Variants in PCDH7 observed in about 807,000 individuals in gnomAD.
PCDH7 encodes protocadherin 7.
PCDH7 carries 17 observed loss-of-function variants against 58.9 expected under a neutral mutation model. The observed-to-expected ratio is 0.29, with a 90% CI of 0.20 to 0.43. The LOEUF (loss-of-function observed/expected upper bound fraction) is 0.43, where lower values mean the gene tolerates loss of function less well. Ranked by LOEUF, PCDH7 falls within the 20% of genes least tolerant of loss-of-function variation. The pLI, the probability that PCDH7 is intolerant of heterozygous loss-of-function variation, is 1.00. For synonymous variants in PCDH7, 664 were observed against 616.4 expected, an observed-to-expected ratio of 1.08 and a Z score of -1.14; for missense variants, 1,274 against 1,441.0, an observed-to-expected ratio of 0.88 and a Z score of 1.88.
At chr4:31,056,978 C>T (rs908169542) in intron 3 of PCDH7, among the ~76,000 whole-genome samples, 43 of 151,952 alleles carry the variant, frequency 2.8e-4, no homozygotes, top group African/African-American at 8.7e-4. Context: ...ATTTGTGTTA[C>T]GTATTAAGGA....
chr4:30,940,514 T>C (rs980080952), intron 2 of PCDH7, among the ~76,000 whole-genome samples: 10 of 152,068 alleles, frequency 6.6e-5, no homozygotes, highest in African/African-American at 2.4e-4. Context: ...TTGTGCATTA[T>C]GTATAAATAG....
At chr4:30,831,971 C>T (rs1729855851) in intron 1 of PCDH7, among the ~76,000 whole-genome samples, 1 of 152,104 alleles carries the variant, frequency 6.6e-6, no homozygotes, top group African/African-American at 2.4e-5. Context: ...GTATGGCCAC[C>T]ACTCATTGAG....
intron 1 of PCDH7, among the ~76,000 whole-genome samples, chr4:30,814,839 A>G (rs1727466119): frequency 6.6e-6 from 1 of 152,110 alleles, no homozygotes; most frequent in South Asian, 2.1e-4. Context: ...AGTGAATTAG[A>G]GTCATTTTTT....
At position 31,089,011 on chromosome 4, in the gene PCDH7, C is replaced by T. The variant is rs192190299; in HGVS notation, c.*8-53462C>T. ...TTTACTTCCTAATATGGTGTGTTTG[C>T]ACTACATTTTTTGACTGTTTCAGGC... On this transcript the variant is annotated intron_variant, in intron 3 of 3. Coordinates refer to the PCDH7 transcript ENST00000509759. Among the ~76,000 whole-genome samples the T allele has an allele frequency of 1.5e-3, 229 of 151,960 alleles. 1 individual carries two copies. The highest frequency in any genetic ancestry group is 3.4e-3 in the Middle Eastern group (1 of 294).
intron 3 of PCDH7, among the ~76,000 whole-genome samples, chr4:31,064,283 A>G (rs1255171999): frequency 6.6e-6 from 1 of 151,898 alleles, no homozygotes; most frequent in Non-Finnish European, 1.5e-5. Context: ...AGTCACCTTT[A>G]CTCCTATCAT....
At chr4:30,993,925 G>C (rs978693616) in intron 3 of PCDH7, among the ~76,000 whole-genome samples, 1 of 152,102 alleles carries the variant, frequency 6.6e-6, no homozygotes, top group Non-Finnish European at 1.5e-5. Flanking sequence ...TCCCCAAAAT[G>C]TGTAAGTCTG....
At chr4:30,788,427 T>G (rs938919729) in intron 1 of PCDH7, among the ~76,000 whole-genome samples, 1 of 152,140 alleles carries the variant, frequency 6.6e-6, no homozygotes, top group African/African-American at 2.4e-5. Flanking sequence ...CAACTGCAGT[T>G]AGTACCCTAT....
chr4:30,753,120 T>C (rs1718789717), intron 1 of PCDH7, among the ~76,000 whole-genome samples: 1 of 152,154 alleles, frequency 6.6e-6, no homozygotes, highest in African/African-American at 2.4e-5. Context: ...ATACCATAAA[T>C]GTCAGCATCA....
chr4:31,137,381 G>A (rs1483027825), intron 3 of PCDH7, among the ~76,000 whole-genome samples: 5 of 152,136 alleles, frequency 3.3e-5, no homozygotes, highest in Admixed American at 6.5e-5. Context: ...TCAGGAGTTC[G>A]AGACCAGCCT....
At chr4:31,010,103 T>A (rs1400576716) in intron 3 of PCDH7, among the ~76,000 whole-genome samples, 1 of 151,958 alleles carries the variant, frequency 6.6e-6, no homozygotes, top group Non-Finnish European at 1.5e-5. Context: ...ATACTGTCCT[T>A]CTTATTGTAT....
At chr4:30,966,049 A>G (rs1244200957) in intron 3 of PCDH7, among the ~76,000 whole-genome samples, 1 of 152,156 alleles carries the variant, frequency 6.6e-6, no homozygotes, top group East Asian at 1.9e-4. Flanking sequence ...TAAACATGCT[A>G]TGCTGTTTCT....
chr4:31,140,718 A>C (rs1720148677), intron 3 of PCDH7, among the ~76,000 whole-genome samples: 1 of 152,074 alleles, frequency 6.6e-6, no homozygotes, highest in Non-Finnish European at 1.5e-5. Flanking sequence ...CACTAATAAA[A>C]TTTGTCAATA....
At chr4:30,820,739 T>G (rs1375038260) in intron 1 of PCDH7, among the ~76,000 whole-genome samples, 1 of 152,098 alleles carries the variant, frequency 6.6e-6, no homozygotes, top group Non-Finnish European at 1.5e-5. Context: ...CATGTTTTCA[T>G]GTGAATATGA....
chr4:30,902,792 C>T (rs1215876694), intron 1 of PCDH7, among the ~76,000 whole-genome samples: 5 of 152,060 alleles, frequency 3.3e-5, no homozygotes, highest in Non-Finnish European at 7.4e-5. Context: ...GAAATGTAAA[C>T]AGGCTTAGAA....
chr4:31,136,190 CCTT>C (rs1719575411), intron 3 of PCDH7, among the ~76,000 whole-genome samples: 1 of 152,202 alleles, frequency 6.6e-6, no homozygotes. Flanking sequence ...ATCTCTACCT[CCTT>C]AAATCTCTCC....
At chr4:30,755,596 T>C (rs934579023) in intron 1 of PCDH7, among the ~76,000 whole-genome samples, 1 of 152,158 alleles carries the variant, frequency 6.6e-6, no homozygotes, top group Non-Finnish European at 1.5e-5. Context: ...GTAGTTATCA[T>C]AACAAGCCTG....
At chr4:30,807,113 T>C (rs1209688472) in intron 1 of PCDH7, among the ~76,000 whole-genome samples, 2 of 152,204 alleles carry the variant, frequency 1.3e-5, no homozygotes, top group East Asian at 1.9e-4. Flanking sequence ...AAGAACTACA[T>C]GTTTTTGGAA....
chr4:30,722,093 G>A lies in PCDH7; in HGVS notation c.671G>A (p.Arg224Gln). Residue 224 changes from arginine to glutamine, a missense_variant, in exon 1 of 2, where the codon CGG becomes CAG. Around this residue, in one of 3 missense-constraint regions of PCDH7, gnomAD observed 331 missense variants for 303.2 expected, o/e 1.09. Transcript: ENST00000361762. The surrounding 1 kb of genome is among the most constrained non-coding windows in gnomAD (Gnocchi z 7.6). Reference sequence around the variant, plus strand: ...GGCGGCGGCTCGGGAGGCTCCAAGCGGCGGCTGGACGCATCAGAGGGCGGC... The same window carrying A: ...GGCGGCGGCTCGGGAGGCTCCAAGCAGCGGCTGGACGCATCAGAGGGCGGC... 7.6e-7 allele frequency: 1 copy of A among 1,322,518 alleles called. No homozygotes were observed. Among genetic ancestry groups the A allele is most frequent in the Non-Finnish European group, 9.6e-7 (1 of 1,040,810 alleles). 81.9% of individuals were successfully genotyped at this position (1,322,518 alleles called of 1,614,324 possible). A position where few individuals can be genotyped will look rare whatever the true frequency, so the allele number is the denominator to read the frequency against.
At chr4:30,992,793 CTTTTT>C (rs577504420) in intron 3 of PCDH7, among the ~76,000 whole-genome samples, 1 of 95,652 alleles carries the variant, frequency 1.0e-5, no homozygotes, top group East Asian at 3.0e-4. Flanking sequence ...CTGTCCCATT[CTTTTT>C]TTTTTTTTTT....
Sources: allele counts gnomAD v4.1 joint callset (sites outside exome capture counted in the v4.1 genomes callset), GRCh38; gene constraint gnomAD v4.1.1; regional missense constraint gnomAD v4.1.1; non-coding constraint Gnocchi (gnomAD v3.1); transcripts MANE v1.5; gene names NCBI Gene and HGNC (gene_info 2026-07-23, HGNC 2026-07-21).